The following THSD7B variants were observed in gnomAD, a reference collection of about 807,000 sequenced individuals.
THSD7B encodes thrombospondin type-1 domain-containing protein 7B.
THSD7B carries 138 observed loss-of-function variants against 213.6 expected under a neutral mutation model. The ratio of observed to expected loss-of-function variants is 0.65; its 90% confidence interval spans 0.56 to 0.74. THSD7B has a LOEUF of 0.74. THSD7B is among the 30% of genes least tolerant of loss of function. THSD7B has a pLI of 0.00. For synonymous variants in THSD7B, 742 were observed against 687.0 expected, an observed-to-expected ratio of 1.08 and a Z score of -1.25; for missense variants, 1,931 against 1,991.5, an observed-to-expected ratio of 0.97 and a Z score of 0.58.
intron 12 of THSD7B, among the ~76,000 whole-genome samples, chr2:137,374,017 G>A (rs973498672): frequency 1.8e-4 from 28 of 152,194 alleles, no homozygotes; most frequent in Middle Eastern, 6.8e-3. Flanking sequence ...GTAGATATGC[G>A]GTGTTATTTC....
At chr2:137,325,670 T>C (rs888211876) in intron 12 of THSD7B, among the ~76,000 whole-genome samples, 1 of 152,164 alleles carries the variant, frequency 6.6e-6, no homozygotes, top group Non-Finnish European at 1.5e-5. Context: ...GTTTAATAAA[T>C]GTAAAATAAG....
At position 137,272,529 on chromosome 2, in the gene THSD7B, TC is replaced by T. The variant is rs113466296; in HGVS notation, c.2267-3del. The T allele has an allele frequency of 3.7e-6, 6 of 1,600,516 alleles. No individual in the cohort carries two copies. The highest frequency in any genetic ancestry group is 3.4e-6 in the Non-Finnish European group (4 of 1,176,036). On this transcript the variant is annotated splice_polypyrimidine_tract_variant and splice_region_variant and intron_variant, in intron 10 of 27. Transcript: ENST00000409968. ...TATATAATTTTCTTTTTCCTTTACTTCAGGAAATGCCACAGTAAAACAGTCT... is the reference window on the plus strand; with the variant it reads ...TATATAATTTTCTTTTTCCTTTACTTAGGAAATGCCACAGTAAAACAGTCT...
intron 17 of THSD7B, among the ~76,000 whole-genome samples, chr2:137,608,041 T>G (rs1022611666): frequency 6.6e-6 from 1 of 152,208 alleles, no homozygotes; most frequent in African/African-American, 2.4e-5. Context: ...CCCCTGGTCT[T>G]GTCAGTCCCG....
At chr2:137,644,214 G>A (rs1211141528) in intron 21 of THSD7B, among the ~76,000 whole-genome samples, 1 of 152,192 alleles carries the variant, frequency 6.6e-6, no homozygotes, top group Non-Finnish European at 1.5e-5. Flanking sequence ...TCTAGATAGA[G>A]TGAGTCCCGT....
intron 15 of THSD7B, among the ~76,000 whole-genome samples, chr2:137,526,669 C>A (rs1169138028): frequency 1.3e-5 from 2 of 152,202 alleles, no homozygotes; most frequent in African/African-American, 4.8e-5. Flanking sequence ...GGTGATCCAT[C>A]CACCTTAGCC....
intron 2 of THSD7B, among the ~76,000 whole-genome samples, chr2:137,024,866 C>G (rs570405481): frequency 2.6e-5 from 4 of 152,080 alleles, no homozygotes; most frequent in Non-Finnish European, 4.4e-5. Flanking sequence ...GTATGCAAAC[C>G]CTTTCAGCTT....
chr2:137,278,088 T>C (rs1354431778), intron 12 of THSD7B, among the ~76,000 whole-genome samples: 1 of 152,032 alleles, frequency 6.6e-6, no homozygotes, highest in East Asian at 1.9e-4. Flanking sequence ...AATAAGGAAT[T>C]ATGAGACTCT....
At chr2:137,217,682 A>G (rs736112) in intron 7 of THSD7B, among the ~76,000 whole-genome samples, 90,721 of 151,942 alleles carry the variant, frequency 0.6, 27,507 homozygotes, top group South Asian at 0.71. Context: ...TGCTAGCTCT[A>G]TGGAAACCAA....
intron 12 of THSD7B, among the ~76,000 whole-genome samples, chr2:137,291,985 G>A (rs1205165462): frequency 6.6e-6 from 1 of 152,060 alleles, no homozygotes; most frequent in Non-Finnish European, 1.5e-5. Flanking sequence ...TGCAACATCT[G>A]AAGACATTTT....
intron 2 of THSD7B, among the ~76,000 whole-genome samples, chr2:136,940,195 T>C (rs12464515): frequency 0.018 from 2,746 of 152,128 alleles, 40 homozygotes; most frequent in Non-Finnish European, 0.028. Flanking sequence ...CTTCCTAATC[T>C]CCAGTGTCTA....
chr2:137,158,141 T>C (rs1291972183), intron 5 of THSD7B, among the ~76,000 whole-genome samples: 1 of 152,182 alleles, frequency 6.6e-6, no homozygotes, highest in East Asian at 1.9e-4. Context: ...AGATGGATGC[T>C]CAGTGGTTTG....
chr2:136,927,897 A>G (rs1231183857), intron 2 of THSD7B, among the ~76,000 whole-genome samples: 1 of 152,212 alleles, frequency 6.6e-6, no homozygotes, highest in South Asian at 2.1e-4. Flanking sequence ...ATTGCCTTAT[A>G]AAGACACTTT....
intron 9 of THSD7B, among the ~76,000 whole-genome samples, chr2:137,234,388 C>T (rs1361292853): frequency 1.3e-5 from 2 of 152,168 alleles, no homozygotes; most frequent in African/African-American, 4.8e-5. Flanking sequence ...GCCACTTTGG[C>T]CATGTGTAAG....
At chr2:137,489,763 A>G (rs1229199501) in intron 15 of THSD7B, among the ~76,000 whole-genome samples, 1 of 152,182 alleles carries the variant, frequency 6.6e-6, no homozygotes, top group African/African-American at 2.4e-5. Flanking sequence ...TATATCCTCA[A>G]TATGGAATGT....
At chr2:136,800,824 C>T (rs1481178558) in intron 1 of THSD7B, among the ~76,000 whole-genome samples, 1 of 151,322 alleles carries the variant, frequency 6.6e-6, no homozygotes, top group African/African-American at 2.4e-5. Flanking sequence ...TTTTTTTTCT[C>T]CTAAAGTTTC....
intron 2 of THSD7B, among the ~76,000 whole-genome samples, chr2:136,882,877 T>G (rs1209359795): frequency 6.6e-6 from 1 of 152,162 alleles, no homozygotes; most frequent in East Asian, 1.9e-4. Context: ...ATAATTTGAG[T>G]TGAAATTTGG....
chr2:137,474,832 C>T (rs1688162419), intron 15 of THSD7B, among the ~76,000 whole-genome samples: 1 of 152,162 alleles, frequency 6.6e-6, no homozygotes, highest in Admixed American at 6.5e-5. Context: ...AAATAATACA[C>T]AAAAGCCACA....
At chr2:137,337,081 A>AAT (rs1322273443) in intron 12 of THSD7B, among the ~76,000 whole-genome samples, 1 of 151,478 alleles carries the variant, frequency 6.6e-6, no homozygotes, top group Admixed American at 6.6e-5. Flanking sequence ...AATACCAAAT[A>AAT]ATATATATAT....
chr2:137,573,696 C>A (rs898622368), intron 17 of THSD7B, among the ~76,000 whole-genome samples: 1 of 151,950 alleles, frequency 6.6e-6, no homozygotes, highest in Non-Finnish European at 1.5e-5. Context: ...CTTTAGTACT[C>A]GTACTAATCC....
Sources: gnomAD v4.1 joint callset for allele counts (sites outside exome capture counted in the v4.1 genomes callset) on GRCh38, gnomAD v4.1.1 for gene constraint, MANE v1.5 for transcripts, NCBI Gene and HGNC (gene_info 2026-07-23, HGNC 2026-07-21) for gene names.